COL4A4: variants seen among roughly 807,000 people sequenced by gnomAD.
COL4A4 encodes collagen type IV alpha 4 chain.
COL4A4 carries 105 observed loss-of-function variants against 192.9 expected under a neutral mutation model. That is an observed-to-expected ratio of 0.54 (90% CI 0.46 to 0.64). The LOEUF (loss-of-function observed/expected upper bound fraction) is 0.64. COL4A4 is among the 30% of genes least tolerant of loss of function. The pLI is 0.00. For synonymous variants in COL4A4, 762 were observed against 769.9 expected (o/e 0.99, Z 0.17); for missense variants, 1,967 against 2,169.3 (o/e 0.91, Z 1.85).
At chr2:227,053,262 G>A (rs1302985689) in intron 31 of COL4A4, among the ~76,000 whole-genome samples, 1 of 151,860 alleles carries the variant, frequency 6.6e-6, no homozygotes, top group Admixed American at 6.6e-5. Flanking sequence ...TTACAAGCTA[G>A]TAAAACAAAA....
At chr2:227,122,733 G>A (rs2061866212) in intron 4 of COL4A4, among the ~76,000 whole-genome samples, 1 of 152,186 alleles carries the variant, frequency 6.6e-6, no homozygotes, top group African/African-American at 2.4e-5. Context: ...TAGCATGAAG[G>A]CCAGAGCTCC....
At chr2:227,103,316 G>A in intron 13 of COL4A4, 119 bp from the exon 14 acceptor site, 4 of 788,334 alleles carry the variant, frequency 5.1e-6, no homozygotes, top group Non-Finnish European at 8.4e-6. Flanking sequence ...AAAATCTTAA[G>A]AGATTACTCT....
chr2:227,144,034 A>G (rs2063389133), intron 3 of COL4A4, among the ~76,000 whole-genome samples: 1 of 152,220 alleles, frequency 6.6e-6, no homozygotes, highest in South Asian at 2.1e-4. Context: ...AGTGATTTAA[A>G]CCAAGTCAGT....
intron 35 of COL4A4, among the ~76,000 whole-genome samples, chr2:227,046,105 A>C (rs930005767): frequency 3.2e-5 from 3 of 94,960 alleles, no homozygotes; most frequent in African/African-American, 1.4e-4. Flanking sequence ...ATATATATAT[A>C]TCTAAATATA....
chr2:227,154,681 A>G (rs1041547533), intron 1 of COL4A4, among the ~76,000 whole-genome samples: 1 of 152,240 alleles, frequency 6.6e-6, no homozygotes, highest in African/African-American at 2.4e-5. Context: ...ACCTGTTTCT[A>G]TATACATTTC....
chr2:226,997,352 C>A, the COL4A4 span: 52 of 152,318 alleles, frequency 3.4e-4, no homozygotes, highest in African/African-American at 1.2e-3. Flanking sequence ...TTGTTTCATG[C>A]CACTTTTATA....
intron 25 of COL4A4, among the ~76,000 whole-genome samples, chr2:227,071,150 C>G (rs1444263189): frequency 6.6e-6 from 1 of 152,050 alleles, no homozygotes; most frequent in Non-Finnish European, 1.5e-5. Context: ...TATCTGCTGT[C>G]TTTAAGAGGC....
At chr2:226,999,881 G>T (rs1960490877), downstream of COL4A4, among the ~76,000 whole-genome samples, 1 of 152,084 alleles carries the variant, frequency 6.6e-6, no homozygotes, top group Admixed American at 6.5e-5. Context: ...CTCCAGTGAG[G>T]GTTTCTGCCA....
chr2:227,039,414 G>A (rs552894487), intron 37 of COL4A4, among the ~76,000 whole-genome samples: 4 of 152,104 alleles, frequency 2.6e-5, no homozygotes, highest in East Asian at 1.9e-4. Context: ...CAGCTGATCC[G>A]CCTGCCTCAG....
chr2:227,046,253 T>C (rs1003837647), intron 35 of COL4A4, among the ~76,000 whole-genome samples: 3 of 150,524 alleles, frequency 2.0e-5, no homozygotes, highest in Middle Eastern at 3.5e-3. Context: ...AAATTTCTCA[T>C]ATAGTTCTGC....
rs2058444200 is a variant in COL4A4, at chr2:227,067,833, C to T, written c.1988-5235G>A. Among the ~76,000 whole-genome samples, 5 of 149,604 alleles carry T rather than the reference C, an allele frequency of 3.3e-5. No individual in the cohort carries two copies. In the Admixed American group the frequency reaches 3.3e-4, roughly 10 times the overall value. On this transcript the variant is annotated intron_variant, in intron 25 of 47. Coordinates refer to ENST00000396625, the MANE Select transcript of COL4A4 (RefSeq NM_000092.5). ...CTAGAAAAGCAAGAGCAAACACATT[C>T]AAAAGCTAGCAGAAGGCAAGAAATA...
chr2:227,012,155 G>T (rs1963876025), intron 45 of COL4A4, 26 bp downstream of exon 45: 3 of 1,540,982 alleles, frequency 1.9e-6, no homozygotes, highest in Non-Finnish European at 2.7e-6. Flanking sequence ...CAGTGTCAGA[G>T]AAAAGAGGAG....
At chr2:226,974,795 G>A in the COL4A4 span, among the ~76,000 whole-genome samples, 1 of 152,176 alleles carries the variant, frequency 6.6e-6, no homozygotes, top group Non-Finnish European at 1.5e-5. Flanking sequence ...GCTGAGAGTC[G>A]TGAACCATAC....
chr2:227,121,195 T>C (rs765435451), intron 4 of COL4A4, 47 bp from the exon 5 acceptor site: 1 of 1,601,592 alleles, frequency 6.2e-7, no homozygotes, highest in South Asian at 1.1e-5. Context: ...TCTTAATTAC[T>C]GTCTTCTAAC....
At chr2:227,164,454 G>T (rs577178075), upstream of COL4A4, 543 of 538,104 alleles carry the variant, frequency 1.0e-3, 3 homozygotes, top group African/African-American at 9.5e-3. The surrounding 1 kb of genome is among the most constrained non-coding windows in gnomAD (Gnocchi z 4.8). Context: ...TCCTGGGCAC[G>T]ATGCCCGGGT....
At chr2:226,995,570 T>G in the COL4A4 span, 1 of 1,268,838 alleles carries the variant, frequency 7.9e-7, no homozygotes, top group South Asian at 1.2e-5. Context: ...TATTGCCCAT[T>G]TGGCTCATTC....
At chr2:226,974,324 A>G in the COL4A4 span, among the ~76,000 whole-genome samples, 1 of 147,788 alleles carries the variant, frequency 6.8e-6, no homozygotes, top group Non-Finnish European at 1.5e-5. Flanking sequence ...TGCAAGCTCC[A>G]CCCCCTGGGT....
intron 19 of COL4A4, among the ~76,000 whole-genome samples, chr2:227,097,011 G>GAT (rs1276595265): frequency 6.6e-6 from 1 of 152,094 alleles, no homozygotes; most frequent in African/African-American, 2.4e-5. Flanking sequence ...AATAGGACTA[G>GAT]ATACACTCCT....
At chr2:227,072,974 G>A (rs1165625330) in intron 25 of COL4A4, among the ~76,000 whole-genome samples, 1 of 151,974 alleles carries the variant, frequency 6.6e-6, no homozygotes, top group Non-Finnish European at 1.5e-5. Context: ...CATTCCCCCT[G>A]AGAACAGGAA....
Sources: allele counts gnomAD v4.1 joint callset (sites outside exome capture counted in the v4.1 genomes callset), GRCh38; gene constraint gnomAD v4.1.1; non-coding constraint Gnocchi (gnomAD v3.1); transcripts MANE v1.5; gene names NCBI Gene and HGNC (gene_info 2026-07-23, HGNC 2026-07-21).